Variants in ABITRAM observed in about 807,000 individuals in gnomAD.
ABITRAM encodes the protein protein Abitram.
A neutral mutation model predicts 22.9 loss-of-function variants in ABITRAM; 19 were observed. That is an observed-to-expected ratio of 0.83 (90% confidence interval 0.58 to 1.22). The LOEUF is 1.22. Among genes scored for constraint, ABITRAM ranks in the 50% most tolerant of loss-of-function variants. The pLI, the probability that ABITRAM is intolerant of heterozygous loss-of-function variation, is 0.00. For synonymous variants in ABITRAM, 70 were observed against 73.9 expected (o/e 0.95, Z 0.27); for missense variants, 215 against 220.2 (o/e 0.98, Z 0.15).
intron 3 of ABITRAM, among the ~76,000 whole-genome samples, chr9:108,950,086 C>T (rs1203115128): frequency 6.7e-6 from 1 of 150,298 alleles, no homozygotes; most frequent in Non-Finnish European, 1.5e-5. Context: ...GAATATTTTA[C>T]ATATCAAACT....
downstream of ABITRAM, among the ~76,000 whole-genome samples, chr9:108,945,464 T>TC: frequency 7.3e-6 from 1 of 137,854 alleles, no homozygotes; most frequent in South Asian, 2.3e-4. Flanking sequence ...GTTTTCTTCC[T>TC]TTTTTTTTTT....
At chr9:108,949,219 GT>G (rs1457321117) in intron 3 of ABITRAM, among the ~76,000 whole-genome samples, 2 of 152,264 alleles carry the variant, frequency 1.3e-5, no homozygotes, top group African/African-American at 4.8e-5. Context: ...ATTCTGGAAT[GT>G]CATCACTACT....
chr9:108,936,245 A>G (rs780697700), intron 2 of ABITRAM, 63 bp from the exon 3 acceptor site: 5 of 1,560,690 alleles, frequency 3.2e-6, no homozygotes, highest in Non-Finnish European at 4.3e-6. Flanking sequence ...TTGTTCCAAT[A>G]GGAGTTATGG....
intron 3 of ABITRAM, among the ~76,000 whole-genome samples, chr9:108,936,950 C>T (rs1830196781): frequency 6.6e-6 from 1 of 151,946 alleles, no homozygotes; most frequent in Admixed American, 6.6e-5. Flanking sequence ...ATCATGAGGT[C>T]AGGAGTTTGA....
At chr9:108,945,538 T>C (rs942217109), downstream of ABITRAM, among the ~76,000 whole-genome samples, 1 of 150,184 alleles carries the variant, frequency 6.7e-6, no homozygotes, top group East Asian at 2.0e-4. Flanking sequence ...CACAGCTCAC[T>C]ACAGCCTTGA....
downstream of ABITRAM, among the ~76,000 whole-genome samples, chr9:108,941,646 C>G (rs1185023236): frequency 1.3e-5 from 2 of 152,160 alleles, no homozygotes; most frequent in African/African-American, 2.4e-5. Flanking sequence ...TCTTCCGGAT[C>G]TTTTGTGAAT....
chr9:108,943,687 C>T, downstream of ABITRAM: 1 of 1,594,534 alleles, frequency 6.3e-7, no homozygotes, highest in East Asian at 2.2e-5. Context: ...GAAAGTTTTT[C>T]ATATGTCTCT....
intron 3 of ABITRAM, among the ~76,000 whole-genome samples, chr9:108,936,860 A>G (rs1830194807): frequency 6.7e-6 from 1 of 148,410 alleles, no homozygotes; most frequent in Non-Finnish European, 1.5e-5. Flanking sequence ...AGGGAGTTAG[A>G]AAAAAAAAAA....
At chr9:108,934,654 C>T in intron 1 of ABITRAM, 89 bp downstream of exon 1, 1 of 1,222,362 alleles carries the variant, frequency 8.2e-7, no homozygotes, top group East Asian at 3.0e-5. Flanking sequence ...CACGCGCGCT[C>T]TCCCTGGCTC....
chr9:108,938,051 G>T (rs1323783003), intron 3 of ABITRAM, among the ~76,000 whole-genome samples: 1 of 151,706 alleles, frequency 6.6e-6, no homozygotes. Context: ...AACAGAGAGG[G>T]ACCTGCATAT....
downstream of ABITRAM, among the ~76,000 whole-genome samples, chr9:108,941,783 C>T (rs1218863664): frequency 3.3e-5 from 5 of 152,148 alleles, no homozygotes; most frequent in Non-Finnish European, 5.9e-5. Flanking sequence ...ACAAATACTA[C>T]GACTGAAGTC....
At chr9:108,943,036 C>CCTACAATGTAT (rs753206255), downstream of ABITRAM, 2 of 1,610,120 alleles carry the variant, frequency 1.2e-6, no homozygotes, top group Non-Finnish European at 1.7e-6. Flanking sequence ...TCGTAATACA[C>CCTACAATGTAT]TTGTCAACCT....
At chr9:108,941,148 ATACT>A (rs982028744), downstream of ABITRAM, among the ~76,000 whole-genome samples, 16 of 152,326 alleles carry the variant, frequency 1.1e-4, no homozygotes, top group Admixed American at 5.2e-4. Context: ...TTACAAAATA[ATACT>A]TACTTATTTT....
chr9:108,936,658 A>C (rs184918618), intron 3 of ABITRAM, among the ~76,000 whole-genome samples: 1 of 152,328 alleles, frequency 6.6e-6, no homozygotes, highest in Non-Finnish European at 1.5e-5. Flanking sequence ...CTGTGCTACT[A>C]TCCCTATAAT....
chr9:108,937,662 C>G (rs1830206425), intron 3 of ABITRAM, among the ~76,000 whole-genome samples: 1 of 152,112 alleles, frequency 6.6e-6, no homozygotes, highest in South Asian at 2.1e-4. Context: ...CTTAAGACTT[C>G]TGAAGTTTCA....
chr9:108,943,193 C>G, downstream of ABITRAM: 1 of 724,114 alleles, frequency 1.4e-6, no homozygotes, highest in Non-Finnish European at 2.2e-6. Context: ...TGAGCTGACT[C>G]AAAGCCCCAG....
chr9:108,941,203 A>G (rs571274956), downstream of ABITRAM, among the ~76,000 whole-genome samples: 8 of 152,274 alleles, frequency 5.3e-5, no homozygotes, highest in East Asian at 1.5e-3. Context: ...AAAACTTGTA[A>G]TCTGAGTGCC....
downstream of ABITRAM, among the ~76,000 whole-genome samples, chr9:108,943,409 G>A (rs1830304648): frequency 6.6e-6 from 1 of 152,134 alleles, no homozygotes; most frequent in African/African-American, 2.4e-5. Context: ...GACAAATTAT[G>A]GGAGACCAGA....
At chr9:108,935,591 T>C (rs1186442721) in intron 1 of ABITRAM, 47 bp from the exon 2 acceptor site, 9 of 1,440,366 alleles carry the variant, frequency 6.2e-6, no homozygotes, top group Non-Finnish European at 8.8e-6. Flanking sequence ...CACATAGTGG[T>C]AGTAAATATT....
Sources: gnomAD v4.1 joint callset for allele counts (sites outside exome capture counted in the v4.1 genomes callset) on GRCh38, gnomAD v4.1.1 for gene constraint, MANE v1.5 for transcripts, NCBI Gene and HGNC (gene_info 2026-07-23, HGNC 2026-07-21) for gene names.